PLCB1: variants seen among roughly 807,000 people sequenced by gnomAD.
PLCB1 encodes phospholipase C beta 1.
PLCB1 carries 46 observed loss-of-function variants against 161.8 expected under a neutral mutation model. That is an observed-to-expected ratio of 0.28 (90% CI 0.22 to 0.36). The LOEUF is 0.36. Ranked by LOEUF, PLCB1 falls within the 10% of genes least tolerant of loss-of-function variation. The pLI is 1.00. For missense variants in PLCB1, 1,016 were observed against 1,472.5 expected, an observed-to-expected ratio of 0.69 and a Z score of 5.07; for synonymous variants, 517 against 503.7, an observed-to-expected ratio of 1.03 and a Z score of -0.35.
At chr20:8,197,363 G>A (rs899288606) in intron 2 of PLCB1, among the ~76,000 whole-genome samples, 36 of 152,158 alleles carry the variant, frequency 2.4e-4, no homozygotes, top group Non-Finnish European at 4.9e-4. Flanking sequence ...TCTAACTGGT[G>A]TGAGATGGTA....
At chr20:8,797,577 A>G (rs1277299890) in intron 31 of PLCB1, among the ~76,000 whole-genome samples, 2 of 151,988 alleles carry the variant, frequency 1.3e-5, no homozygotes, top group African/African-American at 2.4e-5. Context: ...CTTCTATTCT[A>G]TGCATCCACT....
At chr20:8,811,600 T>G (rs976001797) in intron 31 of PLCB1, among the ~76,000 whole-genome samples, 1 of 133,296 alleles carries the variant, frequency 7.5e-6, no homozygotes, top group Middle Eastern at 3.7e-3. Context: ...AGGAACAATA[T>G]GTTAATGAGT....
chr20:8,454,639 A>G (rs1981218079), intron 3 of PLCB1, among the ~76,000 whole-genome samples: 1 of 152,052 alleles, frequency 6.6e-6, no homozygotes, highest in African/African-American at 2.4e-5. Context: ...TTTTGTGGAG[A>G]CTGCCACTCT....
At chr20:8,391,834 T>C (rs115872212) in intron 3 of PLCB1, among the ~76,000 whole-genome samples, 1,499 of 143,138 alleles carry the variant, frequency 0.01, 33 homozygotes, top group African/African-American at 0.034. Flanking sequence ...TACACACACA[T>C]ATATATATAT....
intron 2 of PLCB1, among the ~76,000 whole-genome samples, chr20:8,272,985 A>G (rs972622018): frequency 3.9e-5 from 6 of 152,148 alleles, no homozygotes; most frequent in Non-Finnish European, 7.4e-5. Flanking sequence ...TTTTCAGTGG[A>G]TGTACTCATT....
chr20:8,499,137 G>C (rs570905376), intron 3 of PLCB1, among the ~76,000 whole-genome samples: 1 of 152,194 alleles, frequency 6.6e-6, no homozygotes, highest in South Asian at 2.1e-4. Context: ...GTTAAATTTT[G>C]AGCCGGATGT....
At chr20:8,816,432 G>A (rs1207497737) in intron 31 of PLCB1, among the ~76,000 whole-genome samples, 1 of 152,096 alleles carries the variant, frequency 6.6e-6, no homozygotes, top group Admixed American at 6.5e-5. Flanking sequence ...ATGAGATCAG[G>A]CATCTCTACA....
chr20:8,200,616 C>T (rs2052082686), intron 2 of PLCB1, among the ~76,000 whole-genome samples: 1 of 151,926 alleles, frequency 6.6e-6, no homozygotes, highest in Admixed American at 6.6e-5. Context: ...CCTTGCTTAA[C>T]AATCTTTTGA....
At chr20:8,475,008 CAG>C (rs1252157300) in intron 3 of PLCB1, among the ~76,000 whole-genome samples, 1 of 126,938 alleles carries the variant, frequency 7.9e-6, no homozygotes, top group African/African-American at 3.0e-5. Context: ...ATCACACACA[CAG>C]ACACACACAC....
chr20:8,235,996 A>G (rs1980298996), intron 2 of PLCB1, among the ~76,000 whole-genome samples: 2 of 152,140 alleles, frequency 1.3e-5, no homozygotes, highest in South Asian at 4.1e-4. Flanking sequence ...TATTTTAAAG[A>G]TACATGTTCT....
intron 2 of PLCB1, among the ~76,000 whole-genome samples, chr20:8,205,420 A>G (rs1978472357): frequency 6.6e-6 from 1 of 152,210 alleles, no homozygotes; most frequent in African/African-American, 2.4e-5. Flanking sequence ...GTATGATTAA[A>G]TGATGTAGGA....
intron 3 of PLCB1, among the ~76,000 whole-genome samples, chr20:8,622,704 C>A (rs549391576): frequency 6.6e-6 from 1 of 152,178 alleles, no homozygotes; most frequent in Non-Finnish European, 1.5e-5. Context: ...TGTCTTACTT[C>A]CCCACTCCTC....
intron 3 of PLCB1, among the ~76,000 whole-genome samples, chr20:8,568,409 A>G (rs1986408494): frequency 1.3e-5 from 2 of 152,304 alleles, no homozygotes; most frequent in South Asian, 4.1e-4. Context: ...TTAAAGCATA[A>G]TGATTAAAGC....
rs1213422177 is a variant in PLCB1, at chr20:8,790,258, C to A, written c.3420C>A (p.Pro1140=). The change falls in exon 31 of 32, where the codon CCC becomes CCA. Residue 1140 remains proline (P), a synonymous_variant. Transcript: ENST00000338037. The stretch of plus-strand genomic sequence containing the variant: ...GTCAGCAGATCCTGGATGAAAAGCC[C>A]AAGGTAAACGGAACTGAATTAAAAT... ...EIRQQILDEK[P]KLQVELEQEY... 1.2e-6 allele frequency: 2 copies of A among 1,606,948 alleles called. No homozygotes were observed. Among genetic ancestry groups the A allele is most frequent in the African/African-American group, 1.3e-5 (1 of 74,646 alleles).
At chr20:8,237,209 A>T (rs1057459182) in intron 2 of PLCB1, among the ~76,000 whole-genome samples, 2 of 152,096 alleles carry the variant, frequency 1.3e-5, no homozygotes, top group Non-Finnish European at 2.9e-5. Flanking sequence ...TTGAAACATA[A>T]ACTGTAAGTA....
At chr20:8,443,001 A>G (rs972028083) in intron 3 of PLCB1, among the ~76,000 whole-genome samples, 25 of 146,580 alleles carry the variant, frequency 1.7e-4, no homozygotes, top group Middle Eastern at 3.5e-3. Context: ...TTTTTTTGAG[A>G]TGGAGTCTCG....
chr20:8,362,835 C>T (rs1013466687), intron 2 of PLCB1, among the ~76,000 whole-genome samples: 1 of 152,132 alleles, frequency 6.6e-6, no homozygotes, highest in African/African-American at 2.4e-5. Flanking sequence ...ATTTATGTTA[C>T]ACAATACTCC....
chr20:8,350,106 G>A (rs1348832781), intron 2 of PLCB1, among the ~76,000 whole-genome samples: 1 of 152,064 alleles, frequency 6.6e-6, no homozygotes. Flanking sequence ...ATTTTATCTG[G>A]GGTTCATGCA....
At chr20:8,454,098 G>C (rs1476988684) in intron 3 of PLCB1, among the ~76,000 whole-genome samples, 3 of 152,146 alleles carry the variant, frequency 2.0e-5, no homozygotes, top group Non-Finnish European at 4.4e-5. Context: ...AGGCACCTTG[G>C]TCTTGGTCTT....
Sources: gnomAD v4.1 joint callset for allele counts (sites outside exome capture counted in the v4.1 genomes callset) on GRCh38, gnomAD v4.1.1 for gene constraint, MANE v1.5 for transcripts, NCBI Gene and HGNC (gene_info 2026-07-23, HGNC 2026-07-21) for gene names.